The following FER1L6 variants were observed in gnomAD, a reference collection of about 807,000 sequenced individuals.
FER1L6 encodes fer-1-like protein 6.
In FER1L6, 177 loss-of-function variants were observed where a neutral mutation model predicts 219.2. That is an observed-to-expected ratio of 0.81 (90% confidence interval 0.71 to 0.91). FER1L6 has a LOEUF of 0.91. Ranked by LOEUF, FER1L6 falls within the 40% of genes least tolerant of loss-of-function variation. FER1L6 has a pLI of 0.00. For missense variants in FER1L6, 2,153 were observed against 2,259.9 expected (o/e 0.95, Z 0.96); for synonymous variants, 768 against 824.3 (o/e 0.93, Z 1.17).
intron 1 of FER1L6, among the ~76,000 whole-genome samples, chr8:123,931,193 T>C (rs1312817943): frequency 6.6e-6 from 1 of 152,112 alleles, no homozygotes; most frequent in East Asian, 1.9e-4. Flanking sequence ...TAATGGGAAG[T>C]TGTAAATCTG....
At chr8:123,904,096 T>A (rs1812907824) in intron 1 of FER1L6, among the ~76,000 whole-genome samples, 1 of 152,126 alleles carries the variant, frequency 6.6e-6, no homozygotes, top group Non-Finnish European at 1.5e-5. Context: ...ATTGTTGCCC[T>A]GAGGCCTGAA....
intron 20 of FER1L6, among the ~76,000 whole-genome samples, chr8:124,043,572 T>C (rs1392698587): frequency 1.3e-5 from 2 of 152,234 alleles, no homozygotes; most frequent in Non-Finnish European, 2.9e-5. Flanking sequence ...ATCATCCCTA[T>C]TTCACAGATA....
At position 124,111,680 on chromosome 8, in the gene FER1L6, G is replaced by A. The variant is rs1198077478; in HGVS notation, c.5290-7164G>A. On this transcript the variant is annotated intron_variant, in intron 39 of 40. Coordinates refer to ENST00000522917, the MANE Select transcript of FER1L6 (RefSeq NM_001039112.2). The surrounding 1 kb of genome is among the most constrained non-coding windows in gnomAD (Gnocchi z 5.0). ...TATAGGGTAACTTCCTGACATTACCGTGGCATTTGTAAACTATCATGGCAC... is the reference window on the plus strand; with the variant it reads ...TATAGGGTAACTTCCTGACATTACCATGGCATTTGTAAACTATCATGGCAC... Among the ~76,000 whole-genome samples the A allele has an allele frequency of 3.9e-5, 6 of 152,140 alleles. No homozygotes were observed. The highest frequency in any genetic ancestry group is 5.9e-5 in the Non-Finnish European group (4 of 68,026).
chr8:124,017,739 A>G (rs765888436), intron 16 of FER1L6, 21 bp downstream of exon 16: 14 of 1,591,810 alleles, frequency 8.8e-6, no homozygotes, highest in Non-Finnish European at 1.1e-5. Flanking sequence ...ATCTATTTAT[A>G]CTTTGTGGAC....
At chr8:124,102,527 A>G (rs1002707086) in intron 38 of FER1L6, among the ~76,000 whole-genome samples, 2 of 152,240 alleles carry the variant, frequency 1.3e-5, no homozygotes, top group Non-Finnish European at 2.9e-5. Context: ...TTGCCCATGT[A>G]TATATGCTCT....
chr8:124,098,809 C>T (rs1164051331), intron 37 of FER1L6, among the ~76,000 whole-genome samples: 4 of 152,108 alleles, frequency 2.6e-5, no homozygotes, highest in Admixed American at 6.5e-5. Flanking sequence ...GTGATGAAGG[C>T]GATGTTTGTT....
chr8:123,977,665 C>A, intron 10 of FER1L6, 56 bp downstream of exon 10: 1 of 1,537,072 alleles, frequency 6.5e-7, no homozygotes, highest in South Asian at 1.2e-5. Context: ...CTTTAGAGCC[C>A]TCATCTTTAA....
intron 15 of FER1L6, chr8:124,015,780 T>C (rs1361071162): frequency 1.3e-5 from 2 of 152,168 alleles, no homozygotes; most frequent in African/African-American, 4.8e-5. Flanking sequence ...TTCCCCCTTT[T>C]TCAAGTTTAC....
chr8:124,102,828 T>A (rs1313090229), intron 38 of FER1L6, among the ~76,000 whole-genome samples: 1 of 152,148 alleles, frequency 6.6e-6, no homozygotes, highest in Non-Finnish European at 1.5e-5. Flanking sequence ...TAATCCAGGC[T>A]TAGGGAGCAG....
intron 1 of FER1L6, among the ~76,000 whole-genome samples, chr8:123,884,058 C>T (rs961698585): frequency 2.6e-5 from 4 of 152,076 alleles, no homozygotes; most frequent in African/African-American, 7.2e-5. Context: ...CAGTGCATGC[C>T]CTTTGGAGCT....
intron 1 of FER1L6, among the ~76,000 whole-genome samples, chr8:123,932,471 A>G (rs1162643337): frequency 1.3e-5 from 2 of 152,240 alleles, no homozygotes; most frequent in Non-Finnish European, 2.9e-5. Context: ...TGTTTAAAAT[A>G]GAACATAAGT....
At chr8:123,884,603 T>C (rs1253668543) in intron 1 of FER1L6, among the ~76,000 whole-genome samples, 3 of 152,194 alleles carry the variant, frequency 2.0e-5, no homozygotes, top group African/African-American at 4.8e-5. Flanking sequence ...TAATGATGTG[T>C]GCATTAGCTG....
chr8:123,907,604 A>G (rs1408669117), intron 1 of FER1L6, among the ~76,000 whole-genome samples: 1 of 151,342 alleles, frequency 6.6e-6, no homozygotes, highest in African/African-American at 2.4e-5. Context: ...TATGCTCAGT[A>G]TCGAGGAGAA....
At chr8:123,872,703 AC>A (rs1462602694) in intron 1 of FER1L6, among the ~76,000 whole-genome samples, 1 of 152,156 alleles carries the variant, frequency 6.6e-6, no homozygotes, top group Non-Finnish European at 1.5e-5. Flanking sequence ...TCTAAAAAAA[AC>A]TTATATTTAA....
rs1430968858 is a variant in FER1L6 at position 123,859,979 on chromosome 8, TTATTA to T, written c.-8+7796_-8+7800del. Among the ~76,000 whole-genome samples, 11 of 125,962 alleles carry T rather than the reference TTATTA, an allele frequency of 8.7e-5. 1 individual carries two copies. The highest frequency in any genetic ancestry group is 2.7e-4 in the South Asian group (1 of 3,696). The allele number at this position is 125,962 out of a possible 152,430, so 82.6% of individuals were successfully genotyped here. ...TTTATTATTATTATTACTATTATTA[TTATTA>T]TTTTTTTAATTATACTTTAAGTTTT... On this transcript the variant is annotated intron_variant, in intron 1 of 40. Transcript: ENST00000522917.
intron 1 of FER1L6, among the ~76,000 whole-genome samples, chr8:123,926,477 C>T (rs923591131): frequency 6.6e-6 from 1 of 152,116 alleles, no homozygotes; most frequent in Non-Finnish European, 1.5e-5. Flanking sequence ...GAGTTCGTCA[C>T]CGGGAAGGCT....
chr8:123,984,150 A>G (rs985753954), intron 11 of FER1L6: 6 of 151,248 alleles, frequency 4.0e-5, no homozygotes, highest in Non-Finnish European at 8.8e-5. Context: ...GGTGATATGT[A>G]TAGGCTTTTT....
intron 20 of FER1L6, among the ~76,000 whole-genome samples, chr8:124,043,459 C>G (rs1819592408): frequency 6.6e-6 from 1 of 152,190 alleles, no homozygotes. Context: ...TGTCATTTAA[C>G]TCAGTTATAA....
At chr8:124,081,274 G>A (rs1233747490) in intron 32 of FER1L6, among the ~76,000 whole-genome samples, 3 of 152,104 alleles carry the variant, frequency 2.0e-5, no homozygotes, top group Admixed American at 6.6e-5. Context: ...TCCCTATAAC[G>A]CAGTTAATTT....
Sources: gnomAD v4.1 joint callset for allele counts (sites outside exome capture counted in the v4.1 genomes callset) on GRCh38, gnomAD v4.1.1 for gene constraint, Gnocchi (gnomAD v3.1) non-coding constraint, MANE v1.5 for transcripts, NCBI Gene and HGNC (gene_info 2026-07-23, HGNC 2026-07-21) for gene names.